MYO16: variants seen among roughly 807,000 people sequenced by gnomAD.
The protein encoded by MYO16 is myosin XVI.
A neutral mutation model predicts 205.3 loss-of-function variants in MYO16; 94 were observed. That is an observed-to-expected ratio of 0.46 (90% CI 0.39 to 0.54). MYO16 has a LOEUF of 0.54. Among genes scored for constraint, MYO16 ranks in the 20% least tolerant of loss-of-function variants. The pLI is 0.00. For missense variants in MYO16, 2,315 were observed against 2,387.5 expected, an observed-to-expected ratio of 0.97 and a Z score of 0.63; for synonymous variants, 988 against 954.0, an observed-to-expected ratio of 1.04 and a Z score of -0.66.
chr13:108,742,705 A>G (rs1366687717), intron 4 of MYO16, among the ~76,000 whole-genome samples: 1 of 152,194 alleles, frequency 6.6e-6, no homozygotes, highest in African/African-American at 2.4e-5. Context: ...TATTCTCTTA[A>G]AAATCTTGAC....
At chr13:108,814,142 G>A (rs1004804472) in intron 7 of MYO16, among the ~76,000 whole-genome samples, 2 of 152,174 alleles carry the variant, frequency 1.3e-5, no homozygotes, top group Admixed American at 6.5e-5. Flanking sequence ...GTAGAGAACA[G>A]TAGTTTGTTG....
chr13:108,691,198 T>A (rs1004637901), intron 2 of MYO16, among the ~76,000 whole-genome samples: 8 of 152,302 alleles, frequency 5.3e-5, no homozygotes, highest in Non-Finnish European at 1.2e-4. Context: ...TATATGCTTA[T>A]GTAGCCTAAG....
At chr13:108,870,021 G>A (rs1181516340) in intron 12 of MYO16, among the ~76,000 whole-genome samples, 1 of 151,182 alleles carries the variant, frequency 6.6e-6, no homozygotes, top group Non-Finnish European at 1.5e-5. Context: ...GAAATCTTTA[G>A]TAATTAAACC....
At chr13:109,151,043 A>G (rs1877632053) in intron 32 of MYO16, among the ~76,000 whole-genome samples, 1 of 152,242 alleles carries the variant, frequency 6.6e-6, no homozygotes, top group Non-Finnish European at 1.5e-5. Context: ...GGCAGGTGCC[A>G]TGCTCTTTCT....
rs778443047 is a variant in MYO16 at position 109,081,023 on chromosome 13, C to T, written c.3336-19762C>T. 8.3e-4 allele frequency among the ~76,000 whole-genome samples: 127 copies of T among 152,158 alleles called. 1 individual carries two copies. The highest frequency in any genetic ancestry group is 1.6e-3 in the Non-Finnish European group (110 of 68,000). Reference sequence around the variant, plus strand: ...TTTCAAGCAAACAAAAACGTATTGACAGACTTGAAAGTTATAAGTCATATG... The same window carrying T: ...TTTCAAGCAAACAAAAACGTATTGATAGACTTGAAAGTTATAAGTCATATG... On this transcript the variant is annotated intron_variant, in intron 27 of 34. Coordinates refer to ENST00000457511, the MANE Select transcript of MYO16 (RefSeq NM_001198950.3).
At chr13:108,951,148 T>C (rs746360702) in intron 16 of MYO16, among the ~76,000 whole-genome samples, 12 of 152,138 alleles carry the variant, frequency 7.9e-5, no homozygotes, top group Non-Finnish European at 1.2e-4. Context: ...CTGGGGAATA[T>C]GGAAAAGAAC....
chr13:108,811,008 A>G (rs557525901), intron 7 of MYO16, among the ~76,000 whole-genome samples: 1 of 152,316 alleles, frequency 6.6e-6, no homozygotes, highest in South Asian at 2.1e-4. Flanking sequence ...TTGGTTTTAC[A>G]ACTCTTTCGT....
chr13:108,964,842 T>C lies in MYO16; in HGVS notation c.2309T>C (p.Leu770Ser). ...TTGGCCAAGTCCCTGTACAGTCGTT[T>C]GTTTAGCTTTTTGGTGAATACCATG... ...DLLAKSLYSR[L>S]FSFLVNTMNS... Residue 770 changes from leucine (L) to serine (S), a missense_variant, in exon 20 of 35, where the codon TTG becomes TCG. Around this residue, in one of 3 missense-constraint regions of MYO16, gnomAD observed 1,213 missense variants for 1,274.4 expected, o/e 0.95. Coordinates refer to ENST00000457511, the MANE Select transcript of MYO16 (RefSeq NM_001198950.3). 1.2e-6 allele frequency: 2 copies of C among 1,614,168 alleles called. No individual in the cohort carries two copies. The highest frequency in any genetic ancestry group is 1.7e-6 in the Non-Finnish European group (2 of 1,179,992).
the MYO16 span, among the ~76,000 whole-genome samples, chr13:108,560,643 A>T: frequency 6.6e-6 from 1 of 152,160 alleles, no homozygotes; most frequent in Non-Finnish European, 1.5e-5. Flanking sequence ...ATTTTCAGTT[A>T]TGTGTCTTTG....
chr13:108,589,165 T>C, the MYO16 span, among the ~76,000 whole-genome samples: 5 of 152,206 alleles, frequency 3.3e-5, no homozygotes, highest in Non-Finnish European at 7.3e-5. Context: ...TAATTTTTAA[T>C]ACCAACTTAT....
intron 27 of MYO16, among the ~76,000 whole-genome samples, chr13:109,060,772 T>C (rs1193387405): frequency 1.3e-5 from 2 of 152,174 alleles, no homozygotes; most frequent in East Asian, 3.9e-4. Flanking sequence ...CAAATGATAA[T>C]TGGCTTCAAC....
chr13:108,863,024 T>A (rs895908999), intron 11 of MYO16, among the ~76,000 whole-genome samples: 1 of 152,154 alleles, frequency 6.6e-6, no homozygotes, highest in Non-Finnish European at 1.5e-5. Flanking sequence ...ACGGGTAATA[T>A]ATAGAGAATA....
chr13:108,593,926 A>G (rs1297835535), upstream of MYO16, among the ~76,000 whole-genome samples: 1 of 152,196 alleles, frequency 6.6e-6, no homozygotes, highest in Admixed American at 6.5e-5. Flanking sequence ...GCTGGCAGAC[A>G]CAGCTGGCCC....
At chr13:108,528,560 T>TCCCCTCCCCCCCCCTTTCCCCTCCTCTCC in the MYO16 span, among the ~76,000 whole-genome samples, 1 of 132,562 alleles carries the variant, frequency 7.5e-6, no homozygotes, top group African/African-American at 3.2e-5. Flanking sequence ...TCCTCTCCTC[T>TCCCCTCCCCCCCCCTTTCCCCTCCTCTCC]CCTCTCCTCT....
At chr13:108,877,308 G>A (rs959181799) in intron 12 of MYO16, among the ~76,000 whole-genome samples, 3 of 152,178 alleles carry the variant, frequency 2.0e-5, no homozygotes, top group Non-Finnish European at 2.9e-5. Context: ...AGACTCAGTA[G>A]TATAGACTTG....
chr13:108,570,950 A>T, the MYO16 span, among the ~76,000 whole-genome samples: 2 of 152,194 alleles, frequency 1.3e-5, no homozygotes, highest in African/African-American at 4.8e-5. Context: ...AATTAGCTTT[A>T]AGGACAAGTA....
chr13:108,761,099 C>T (rs887975362), intron 4 of MYO16, among the ~76,000 whole-genome samples: 1 of 152,142 alleles, frequency 6.6e-6, no homozygotes, highest in Non-Finnish European at 1.5e-5. Flanking sequence ...TTGATGGATA[C>T]CTAAATAAGG....
At chr13:108,873,740 G>T (rs1157800387) in intron 12 of MYO16, among the ~76,000 whole-genome samples, 1 of 129,186 alleles carries the variant, frequency 7.7e-6, no homozygotes, top group Non-Finnish European at 1.7e-5. Flanking sequence ...CAACCACCAG[G>T]ACAGGGTCCA....
At chr13:108,950,685 C>T in intron 16 of MYO16, among the ~76,000 whole-genome samples, 1 of 152,220 alleles carries the variant, frequency 6.6e-6, no homozygotes, top group East Asian at 1.9e-4. Flanking sequence ...CCAGATATTG[C>T]ACTTCTCAGC....
Sources: allele counts gnomAD v4.1 joint callset (sites outside exome capture counted in the v4.1 genomes callset), GRCh38; gene constraint gnomAD v4.1.1; regional missense constraint gnomAD v4.1.1; transcripts MANE v1.5; gene names NCBI Gene and HGNC (gene_info 2026-07-23, HGNC 2026-07-21).